MRPL1: variants seen among roughly 807,000 people sequenced by gnomAD.
The protein encoded by MRPL1 is mitochondrial ribosomal protein L1.
A neutral mutation model predicts 38.0 loss-of-function variants in MRPL1; 28 were observed. The observed-to-expected ratio is 0.74, with a 90% CI of 0.55 to 1.01. The LOEUF is 1.01. MRPL1 is among the 50% of genes least tolerant of loss of function. The pLI, the probability that MRPL1 is intolerant of heterozygous loss-of-function variation, is 0.00. For missense variants in MRPL1, 358 were observed against 389.8 expected (o/e 0.92, Z 0.69); for synonymous variants, 123 against 126.7 (o/e 0.97, Z 0.20).
rs535970887 is a variant in MRPL1, at chr4:77,921,345, TATG to T, written c.777+11977_777+11979del. On this transcript the variant is annotated intron_variant, in intron 7 of 8. Transcript: ENST00000315567. ...ATATACAAATAAATATATATGTACT[TATG>T]ATGGTGGAGTGTGTGTATGTGTGGC... Among the ~76,000 whole-genome samples, 88 of 152,230 alleles carry T rather than the reference TATG, an allele frequency of 5.8e-4. 1 individual carries two copies. Among genetic ancestry groups the T allele is most frequent in the African/African-American group, 2.0e-3 (84 of 41,526 alleles).
At chr4:77,913,209 G>T (rs1736329874) in intron 7 of MRPL1, among the ~76,000 whole-genome samples, 1 of 151,906 alleles carries the variant, frequency 6.6e-6, no homozygotes, top group Non-Finnish European at 1.5e-5. Context: ...CTCTTTAAAA[G>T]ACACTGTTAA....
At chr4:77,928,888 AGT>A (rs1469937965) in intron 7 of MRPL1, among the ~76,000 whole-genome samples, 1 of 152,192 alleles carries the variant, frequency 6.6e-6, no homozygotes, top group African/African-American at 2.4e-5. Context: ...GGAAATTCAA[AGT>A]GTGACTCTCC....
rs2110231696 is a variant in MRPL1 at position 77,876,636 on chromosome 4, T to G, written c.143+4781T>G. On this transcript the variant is annotated intron_variant, in intron 2 of 8. Coordinates refer to ENST00000315567, the MANE Select transcript of MRPL1 (RefSeq NM_020236.4). ...TCATAATTTTAGTTGTAGTTTTTAT[T>G]GTTTAATGTATTGACTTTATAATAC... 1.3e-5 allele frequency among the ~76,000 whole-genome samples: 2 copies of G among 152,332 alleles called. 1 individual carries two copies. Among genetic ancestry groups the G allele is most frequent in the South Asian group, 4.1e-4 (2 of 4,828 alleles).
intron 7 of MRPL1, among the ~76,000 whole-genome samples, chr4:77,911,365 T>C (rs537178076): frequency 2.0e-5 from 3 of 152,278 alleles, no homozygotes; most frequent in Middle Eastern, 6.8e-3. Flanking sequence ...ACAAATACCA[T>C]AGTGATTAAG....
At chr4:77,877,850 G>C (rs976950211) in intron 2 of MRPL1, among the ~76,000 whole-genome samples, 16 of 150,704 alleles carry the variant, frequency 1.1e-4, no homozygotes, top group African/African-American at 3.4e-4. Flanking sequence ...CCCTTCCATC[G>C]TTAGACACAG....
chr4:77,938,672 C>G (rs1483459312), intron 7 of MRPL1, among the ~76,000 whole-genome samples: 1 of 152,152 alleles, frequency 6.6e-6, no homozygotes, highest in Non-Finnish European at 1.5e-5. Context: ...ATCAGGAGTT[C>G]TGAGGACATT....
rs758729610 is a variant in MRPL1 at position 77,883,233 on chromosome 4, T to C, written c.144-9T>C. On this transcript the variant is annotated splice_polypyrimidine_tract_variant and intron_variant, in intron 2 of 8. Transcript: ENST00000315567. ...ATATTGATATAACTCAACTTTATTT[T>C]CTTTTAAGGTCTGCAAAGAAAACAA... The C allele has an allele frequency of 1.3e-6, 2 of 1,520,694 alleles. No individual in the cohort carries two copies. Among genetic ancestry groups the C allele is most frequent in the African/African-American group, 2.8e-5 (2 of 70,780 alleles). 94.2% of individuals were successfully genotyped at this position (1,520,694 alleles called of 1,614,324 possible).
At chr4:77,892,605 T>C (rs1023978303) in intron 5 of MRPL1, among the ~76,000 whole-genome samples, 5 of 152,216 alleles carry the variant, frequency 3.3e-5, no homozygotes, top group Admixed American at 6.5e-5. Context: ...GTCCTACTTA[T>C]AGCATAACTT....
chr4:77,921,375 A>G (rs1736573183), intron 7 of MRPL1, among the ~76,000 whole-genome samples: 1 of 152,190 alleles, frequency 6.6e-6, no homozygotes, highest in South Asian at 2.1e-4. Context: ...ATGTGTGGCT[A>G]TTATAGAAAG....
intron 7 of MRPL1, among the ~76,000 whole-genome samples, chr4:77,923,848 A>G (rs1014708917): frequency 2.6e-5 from 4 of 152,062 alleles, no homozygotes; most frequent in Non-Finnish European, 4.4e-5. Context: ...GAGGCAGGAG[A>G]ACTGCTTGAA....
chr4:77,935,165 G>A (rs930830981), intron 7 of MRPL1, among the ~76,000 whole-genome samples: 3 of 152,138 alleles, frequency 2.0e-5, no homozygotes, highest in African/African-American at 7.2e-5. Flanking sequence ...GAAATCACAT[G>A]AGGGAATTTT....
intron 7 of MRPL1, among the ~76,000 whole-genome samples, chr4:77,937,025 TGA>T (rs887724365): frequency 2.6e-5 from 4 of 151,768 alleles, no homozygotes; most frequent in African/African-American, 9.7e-5. Flanking sequence ...CTTGAGAGGC[TGA>T]GATAGGAAGA....
rs904753367 is a variant in MRPL1, at chr4:77,915,134, A to G, written c.777+5762A>G. Among the ~76,000 whole-genome samples, 5 of 152,148 alleles carry G rather than the reference A, an allele frequency of 3.3e-5. No individual in the cohort carries two copies. In the South Asian group the frequency reaches 1.0e-3, roughly 32 times the overall value. On this transcript the variant is annotated intron_variant, in intron 7 of 8. Transcript: ENST00000315567. The stretch of plus-strand genomic sequence containing the variant: ...CAGGAGAGACTCTCACTGTAGTTAA[A>G]TCATCTTGATGTTCTGTGTTACGAT...
At chr4:77,902,265 T>C (rs530077474) in intron 6 of MRPL1, among the ~76,000 whole-genome samples, 1 of 152,126 alleles carries the variant, frequency 6.6e-6, no homozygotes, top group South Asian at 2.1e-4. Context: ...TTCCAGCCAC[T>C]TGGGAGACTG....
intron 2 of MRPL1, among the ~76,000 whole-genome samples, chr4:77,876,288 TGGC>T (rs1735396287): frequency 6.6e-6 from 1 of 152,222 alleles, no homozygotes; most frequent in Non-Finnish European, 1.5e-5. Context: ...ACTGTATTTC[TGGC>T]TTATGCCTTT....
At chr4:77,896,171 G>T (rs1368953434) in intron 6 of MRPL1, among the ~76,000 whole-genome samples, 3 of 138,614 alleles carry the variant, frequency 2.2e-5, no homozygotes, top group Admixed American at 1.4e-4. Context: ...TTTTAGCCTT[G>T]AGGGTTTTTT....
chr4:77,896,223 T>C (rs1212646660), intron 6 of MRPL1, among the ~76,000 whole-genome samples: 15 of 152,006 alleles, frequency 9.9e-5, no homozygotes, highest in Admixed American at 9.8e-4. Flanking sequence ...TTTTTTAGTT[T>C]TCAAATACCT....
At chr4:77,901,264 A>G (rs770612503) in intron 6 of MRPL1, among the ~76,000 whole-genome samples, 9 of 152,232 alleles carry the variant, frequency 5.9e-5, no homozygotes, top group Admixed American at 1.3e-4. Context: ...ACACAAATAA[A>G]TATAGCTTAA....
At chr4:77,892,540 A>G (rs1308073955) in intron 5 of MRPL1, among the ~76,000 whole-genome samples, 1 of 152,188 alleles carries the variant, frequency 6.6e-6, no homozygotes, top group African/African-American at 2.4e-5. Context: ...TCATATTTTT[A>G]CTTGTCTCTA....
Sources: gnomAD v4.1 joint callset for allele counts (sites outside exome capture counted in the v4.1 genomes callset) on GRCh38, gnomAD v4.1.1 for gene constraint, MANE v1.5 for transcripts, NCBI Gene and HGNC (gene_info 2026-07-23, HGNC 2026-07-21) for gene names.